Variants in ARL6 observed in about 807,000 individuals in gnomAD.
ARL6 encodes ARF like GTPase 6.
Under a neutral mutation model 27.1 loss-of-function variants are expected in ARL6, and 18 were observed. That is an observed-to-expected ratio of 0.66 (90% CI 0.46 to 0.98). ARL6 has a LOEUF of 0.98. Among genes scored for constraint, ARL6 ranks in the 50% least tolerant of loss-of-function variants. ARL6 has a pLI of 0.00. For missense variants in ARL6, 187 were observed against 214.9 expected (o/e 0.87, Z 0.81); for synonymous variants, 65 against 72.3 (o/e 0.90, Z 0.51).
chr3:97,772,775 C>T (rs773834847), intron 2 of ARL6, among the ~76,000 whole-genome samples: 11 of 151,930 alleles, frequency 7.2e-5, no homozygotes, highest in Non-Finnish European at 1.5e-4. Context: ...GCATGCACCA[C>T]CATGCCCTGC....
chr3:97,798,173 C>T lies in ARL6; in HGVS notation c.*124C>T. 1 of 995,972 alleles carries T rather than the reference C, an allele frequency of 1.0e-6. No individual in the cohort carries two copies. Among genetic ancestry groups the T allele is most frequent in the Non-Finnish European group, 1.6e-6 (1 of 641,230 alleles). The allele number at this position is 995,972 out of a possible 1,614,324, so 61.7% of individuals were successfully genotyped here. On this transcript the variant is annotated 3_prime_UTR_variant, in exon 8 of 8. Coordinates refer to ENST00000463745, the MANE Select transcript of ARL6 (RefSeq NM_001278293.3). Reference sequence around the variant, plus strand: ...ATAATTTTCTGCTTGCATTTATGGACTCTGACCTTTTTAAGAACATAGGAC... The same window carrying T: ...ATAATTTTCTGCTTGCATTTATGGATTCTGACCTTTTTAAGAACATAGGAC...
intron 5 of ARL6, among the ~76,000 whole-genome samples, chr3:97,787,045 C>G (rs1258678581): frequency 6.6e-6 from 1 of 152,106 alleles, no homozygotes; most frequent in African/African-American, 2.4e-5. Flanking sequence ...CCCAACAATT[C>G]CACATCTTAA....
chr3:97,785,654 A>G (rs901377692), intron 5 of ARL6, among the ~76,000 whole-genome samples: 5 of 152,054 alleles, frequency 3.3e-5, no homozygotes, highest in Non-Finnish European at 7.4e-5. Context: ...AATTATATAT[A>G]ATTATGTAGT....
At chr3:97,797,657 A>G (rs2038068011) in intron 7 of ARL6, among the ~76,000 whole-genome samples, 1 of 152,204 alleles carries the variant, frequency 6.6e-6, no homozygotes, top group South Asian at 2.1e-4. Context: ...AGGAATGGAG[A>G]AGAAGCAAAG....
At chr3:97,782,834 A>C (rs2037265305) in intron 4 of ARL6, among the ~76,000 whole-genome samples, 1 of 151,412 alleles carries the variant, frequency 6.6e-6, no homozygotes, top group African/African-American at 2.4e-5. Context: ...GTAAAAAAAA[A>C]AAATCAAGGA....
At position 97,780,521 on chromosome 3, in the gene ARL6, G is replaced by GA. The variant is rs2037140132; in HGVS notation, c.186-92dup. ...TTGGCACATGTTGAATATTGCATAT[G>GA]AAGGGTAATTTCTTTGATTGTAAAT... On this transcript the variant is annotated intron_variant, in intron 3 of 7. Transcript: ENST00000463745. 3 of 1,008,742 alleles carry GA rather than the reference G, an allele frequency of 3.0e-6. No homozygotes were observed. The South Asian group carries it at 4.0e-5, about 14-fold the overall frequency. The allele number at this position is 1,008,742 out of a possible 1,614,324, so 62.5% of individuals were successfully genotyped here. A position where few individuals can be genotyped will look rare whatever the true frequency, so the allele number is the denominator to read the frequency against.
chr3:97,775,897 G>A (rs925060628), intron 2 of ARL6, among the ~76,000 whole-genome samples: 1 of 152,206 alleles, frequency 6.6e-6, no homozygotes, highest in Non-Finnish European at 1.5e-5. Context: ...TGAAGATAAT[G>A]TATATTCTGC....
At chr3:97,765,214 GTGTGTGTGT>G (rs2036320079) in intron 1 of ARL6, among the ~76,000 whole-genome samples, 2 of 24,000 alleles carry the variant, frequency 8.3e-5, no homozygotes, top group African/African-American at 5.4e-4. Flanking sequence ...TATTGGGGGT[GTGTGTGTGT>G]GTGTGTGTGT....
At chr3:97,775,283 A>G (rs147662577) in intron 2 of ARL6, among the ~76,000 whole-genome samples, 1 of 152,342 alleles carries the variant, frequency 6.6e-6, no homozygotes, top group East Asian at 1.9e-4. Context: ...TTTATTAAGT[A>G]GTATTAACTC....
intron 7 of ARL6, among the ~76,000 whole-genome samples, 183 bp from the exon 8 acceptor site, chr3:97,797,841 G>C (rs2108113865): frequency 6.6e-6 from 1 of 152,274 alleles, no homozygotes; most frequent in Middle Eastern, 3.4e-3. Flanking sequence ...AGGACCACTT[G>C]CACCCAGAAG....
chr3:97,770,199 T>A (rs2036574576), intron 2 of ARL6, among the ~76,000 whole-genome samples: 1 of 152,060 alleles, frequency 6.6e-6, no homozygotes, highest in Admixed American at 6.6e-5. Flanking sequence ...GCATTCATTA[T>A]TTTTTTGCCT....
chr3:97,771,086 ACT>A (rs1363969695), intron 2 of ARL6, among the ~76,000 whole-genome samples: 1 of 151,836 alleles, frequency 6.6e-6, no homozygotes, highest in African/African-American at 2.4e-5. Context: ...GATTGCATTG[ACT>A]CTGTTAATCT....
intron 2 of ARL6, among the ~76,000 whole-genome samples, chr3:97,770,818 T>A (rs2036604223): frequency 6.6e-6 from 1 of 152,054 alleles, no homozygotes; most frequent in South Asian, 2.1e-4. Context: ...TTTTGGAAAA[T>A]GAGTTGGATG....
At chr3:97,794,177 T>G (rs1472501754) in intron 7 of ARL6, among the ~76,000 whole-genome samples, 6 of 137,382 alleles carry the variant, frequency 4.4e-5, no homozygotes, top group Admixed American at 7.4e-5. Context: ...TTTCTTTCTT[T>G]TGTGTGTGTG....
chr3:97,790,593 C>T (rs1424646159), intron 6 of ARL6, among the ~76,000 whole-genome samples: 1 of 152,098 alleles, frequency 6.6e-6, no homozygotes, highest in Non-Finnish European at 1.5e-5. Context: ...TTGTTTGGAA[C>T]TATAGGTGTA....
chr3:97,788,220 A>C, intron 6 of ARL6, 101 bp downstream of exon 6: 1 of 1,208,764 alleles, frequency 8.3e-7, no homozygotes, highest in Non-Finnish European at 1.2e-6. Flanking sequence ...GTGATCAAAC[A>C]TGGTGGCATA....
At chr3:97,773,307 G>A (rs1255567251) in intron 2 of ARL6, among the ~76,000 whole-genome samples, 3 of 152,164 alleles carry the variant, frequency 2.0e-5, no homozygotes, top group Non-Finnish European at 4.4e-5. Flanking sequence ...TGGGCGCACT[G>A]GCAGCTGATT....
chr3:97,767,462 A>G (rs1399806317), intron 1 of ARL6, among the ~76,000 whole-genome samples: 1 of 152,172 alleles, frequency 6.6e-6, no homozygotes, highest in East Asian at 1.9e-4. Context: ...GGAAATAAGG[A>G]TAAGTATTTC....
chr3:97,778,430 G>A (rs1459588661), intron 2 of ARL6, among the ~76,000 whole-genome samples: 1 of 152,126 alleles, frequency 6.6e-6, no homozygotes, highest in Non-Finnish European at 1.5e-5. Flanking sequence ...AAGTGACCAA[G>A]CTCCAGTGAA....
Sources: gnomAD v4.1 joint callset for allele counts (sites outside exome capture counted in the v4.1 genomes callset) on GRCh38, gnomAD v4.1.1 for gene constraint, MANE v1.5 for transcripts, NCBI Gene and HGNC (gene_info 2026-07-23, HGNC 2026-07-21) for gene names.